ZNF549: variants seen among roughly 807,000 people sequenced by gnomAD.
ZNF549 encodes the protein zinc finger protein 549.
In ZNF549, 11 loss-of-function variants were observed where a neutral mutation model predicts 11.1. The ratio of observed to expected loss-of-function variants is 0.99; its 90% CI spans 0.62 to 1.64. The LOEUF (loss-of-function observed/expected upper bound fraction) is 1.64, where lower values mean the gene tolerates loss of function less well. ZNF549 is among the 40% of genes most tolerant of loss of function. The pLI, the probability that ZNF549 is intolerant of heterozygous loss-of-function variation, is 0.00. For missense variants in ZNF549, 748 were observed against 765.1 expected, an observed-to-expected ratio of 0.98 and a Z score of 0.26; for synonymous variants, 266 against 269.1, an observed-to-expected ratio of 0.99 and a Z score of 0.11.
At chr19:57,533,737 C>T (rs1568589475) in intron 2 of ZNF549, among the ~76,000 whole-genome samples, 1 of 152,248 alleles carries the variant, frequency 6.6e-6, no homozygotes, top group Non-Finnish European at 1.5e-5. Flanking sequence ...GTTTCTGCTC[C>T]TGTGAGCCTT....
chr19:57,529,408 G>T (rs2089893587), intron 1 of ZNF549, among the ~76,000 whole-genome samples: 1 of 152,070 alleles, frequency 6.6e-6, no homozygotes. Context: ...AAATAATATA[G>T]AACAGTTATA....
intron 1 of ZNF549, 146 bp from the exon 2 acceptor site, chr19:57,530,924 C>T: frequency 2.9e-6 from 2 of 680,036 alleles, no homozygotes; most frequent in Admixed American, 5.0e-5. Context: ...ACGAGATAGC[C>T]ACCATTAAGT....
Position 57,540,385 on chromosome 19 carries a change from T to C in ZNF549, c.*1458T>C, listed in dbSNP as rs562929412. On this transcript the variant is annotated 3_prime_UTR_variant, in exon 4 of 4. Transcript: ENST00000376233. ...TCATACACAAAACCTTCTATCTTTT[T>C]AAGAACTGTCTGTATGGTTTATTGC... 1 of 152,382 alleles carries C rather than the reference T, an allele frequency of 6.6e-6. No homozygotes were observed. Among genetic ancestry groups the C allele is most frequent in the Admixed American group, 6.5e-5 (1 of 15,306 alleles). 9.4% of individuals were successfully genotyped at this position (152,382 alleles called of 1,614,324 possible). A position where few individuals can be genotyped will look rare whatever the true frequency, so the allele number is the denominator to read the frequency against.
At chr19:57,535,780 T>A (rs955265542) in intron 3 of ZNF549, among the ~76,000 whole-genome samples, 11 of 152,116 alleles carry the variant, frequency 7.2e-5, no homozygotes, top group Admixed American at 2.0e-4. Flanking sequence ...ACCTCCCTGT[T>A]TTTCCCTTAG....
intron 2 of ZNF549, among the ~76,000 whole-genome samples, chr19:57,533,439 A>G (rs766688631): frequency 4.6e-5 from 7 of 152,188 alleles, no homozygotes; most frequent in African/African-American, 1.7e-4. Flanking sequence ...TTGTCTCCCA[A>G]GGGCAGGCTT....
At chr19:57,537,112 C>G (rs1289503816) in intron 3 of ZNF549, 92 bp from the exon 4 acceptor site, 2 of 1,431,120 alleles carry the variant, frequency 1.4e-6, no homozygotes. Context: ...ACCATGGACT[C>G]GTCCCTCCCT....
intron 1 of ZNF549, among the ~76,000 whole-genome samples, chr19:57,530,839 T>G (rs1005712807): frequency 2.0e-5 from 3 of 151,986 alleles, no homozygotes; most frequent in Admixed American, 2.0e-4. Context: ...TACAGAAATC[T>G]TAATGCAATA....
At position 57,527,650 on chromosome 19, in the gene ZNF549, C is replaced by T. The variant is rs371230711; in HGVS notation, c.33+44C>T. The T allele has an allele frequency of 1.9e-6, 3 of 1,604,668 alleles. No homozygotes were observed. In the African/African-American group the frequency reaches 4.0e-5, roughly 22 times the overall value. On this transcript the variant is annotated intron_variant, in intron 1 of 3. Transcript: ENST00000376233. ...GATCCTCACCTGGGTCCTGAGGCCC[C>T]GGACTGGGGTCACCTGCGTGGGTCT...
At chr19:57,535,107 G>C in intron 2 of ZNF549, 37 bp from the exon 3 acceptor site, 1 of 1,606,330 alleles carries the variant, frequency 6.2e-7, no homozygotes, top group Non-Finnish European at 8.5e-7. Context: ...CCTGGGGATT[G>C]AGTCTGCTCA....
rs756138167 is a variant in ZNF549 at position 57,538,713 on chromosome 19, C to T, written c.1709C>T (p.Thr570Ile). Residue 570 changes from threonine (T) to isoleucine (I), a missense_variant, in exon 4 of 4, where the codon ACC (threonine) becomes ATC (isoleucine). Transcript: ENST00000376233. Reference sequence around the variant, plus strand: ...TGTGGGAAATGCTTTAGACACCGCACCAGCCTCATTCAACACCAGAAAGTT... The same window carrying T: ...TGTGGGAAATGCTTTAGACACCGCATCAGCCTCATTCAACACCAGAAAGTT... ...SECGKCFRHR[T>I]SLIQHQKVHS... is the part of the protein sequence containing the mutation. The T allele has an allele frequency of 6.2e-7, 1 of 1,614,132 alleles. No homozygotes were observed. The highest frequency in any genetic ancestry group is 8.5e-7 in the Non-Finnish European group (1 of 1,179,994).
intron 2 of ZNF549, among the ~76,000 whole-genome samples, chr19:57,534,654 G>T (rs2089916699): frequency 6.6e-6 from 1 of 152,174 alleles, no homozygotes; most frequent in East Asian, 1.9e-4. Context: ...GGCCACATGG[G>T]GACGTCTTCA....
intron 2 of ZNF549, among the ~76,000 whole-genome samples, chr19:57,533,929 C>A (rs571397463): frequency 6.6e-6 from 1 of 151,964 alleles, no homozygotes; most frequent in East Asian, 1.9e-4. Context: ...AACCAAAGTC[C>A]AGGAGTTAGG....
rs2089949160 is a variant in ZNF549 at position 57,540,196 on chromosome 19, G to A, written c.*1269G>A. On this transcript the variant is annotated 3_prime_UTR_variant, in exon 4 of 4. Transcript: ENST00000376233. Reference sequence around the variant, plus strand: ...TTAGGAATTATCTTTATTACTTCCCGTTTATTGCCACTGCTGAGAAGGCTG... The same window carrying A: ...TTAGGAATTATCTTTATTACTTCCCATTTATTGCCACTGCTGAGAAGGCTG... 6.6e-6 allele frequency: 1 copy of A among 152,172 alleles called. No individual in the cohort carries two copies. The highest frequency in any genetic ancestry group is 2.4e-5 in the African/African-American group (1 of 41,456). The allele number at this position is 152,172 out of a possible 1,614,324, so 9.4% of individuals were successfully genotyped here.
Position 57,538,970 on chromosome 19 carries a change from C to T in ZNF549, c.*43C>T. 6.5e-7 allele frequency: 1 copy of T among 1,536,874 alleles called. No homozygotes were observed. Among genetic ancestry groups the T allele is most frequent in the South Asian group, 1.2e-5 (1 of 81,122 alleles). ...AATTGTCTTATTCACTGTAGGACAC[C>T]AGAGAGCTGATTTTTCAAGGGATCC... On this transcript the variant is annotated 3_prime_UTR_variant, in exon 4 of 4. Coordinates refer to ENST00000376233, the MANE Select transcript of ZNF549 (RefSeq NM_001199295.2).
intron 2 of ZNF549, 90 bp downstream of exon 2, chr19:57,531,198 G>A (rs967386976): frequency 2.0e-5 from 29 of 1,428,312 alleles, no homozygotes; most frequent in Admixed American, 3.6e-5. Context: ...AATGTCCTGG[G>A]ACTCTTTTTC....
At position 57,538,247 on chromosome 19, in the gene ZNF549, AG is replaced by A; in HGVS notation, c.1245del (p.Arg415SerfsTer222). 1 of 1,614,126 alleles carries A rather than the reference AG, an allele frequency of 6.2e-7. No homozygotes were observed. Among genetic ancestry groups the A allele is most frequent in the Admixed American group, 1.7e-5 (1 of 60,018 alleles). ...LDHHRIHTGE[R>X]PYECKECGKA... ...TCACCATAGAATCCACACGGGAGAA[AG>A]GCCTTATGAGTGCAAAGAATGTGGG... On this transcript the variant is annotated frameshift_variant, in exon 4 of 4. Coordinates refer to ENST00000376233, the MANE Select transcript of ZNF549 (RefSeq NM_001199295.2). LOFTEE classifies it low-confidence loss of function (END_TRUNC).
intron 3 of ZNF549, 64 bp from the exon 4 acceptor site, chr19:57,537,140 G>A: frequency 6.5e-7 from 1 of 1,531,874 alleles, no homozygotes; most frequent in Non-Finnish European, 8.8e-7. Flanking sequence ...ACAGGTATTT[G>A]TAATGGAGCT....
intron 2 of ZNF549, among the ~76,000 whole-genome samples, chr19:57,533,326 A>T (rs535857098): frequency 3.3e-4 from 51 of 152,282 alleles, no homozygotes; most frequent in African/African-American, 1.2e-3. Context: ...CTCTCCCATT[A>T]TGTGGAAGAG....
rs2089936564 is a variant in ZNF549 at position 57,538,241 on chromosome 19, G to A, written c.1237G>A (p.Gly413Arg). The A allele has an allele frequency of 1.9e-6, 3 of 1,612,872 alleles. No individual in the cohort carries two copies. In the East Asian group the frequency reaches 6.7e-5, roughly 36 times the overall value. Residue 413 changes from glycine (G) to arginine (R), a missense_variant, in exon 4 of 4, where the codon GGA becomes AGA. Physicochemically the swap from Gly to Arg is moderately radical, Grantham distance 125 (BLOSUM62 -2). Transcript: ENST00000376233. ...SLLDHHRIHT[G>R]ERPYECKECG... ...TCTTGATCACCATAGAATCCACACG[G>A]GAGAAAGGCCTTATGAGTGCAAAGA... is the stretch of plus-strand genomic sequence containing the variant.
Sources: allele counts gnomAD v4.1 joint callset (sites outside exome capture counted in the v4.1 genomes callset), GRCh38; gene constraint gnomAD v4.1.1; transcripts MANE v1.5; gene names NCBI Gene and HGNC (gene_info 2026-07-23, HGNC 2026-07-21).